DNM2: variants seen among roughly 807,000 people sequenced by gnomAD.
DNM2 encodes dynamin-2.
In DNM2, 15 loss-of-function variants were observed where a neutral mutation model predicts 99.0. That is an observed-to-expected ratio of 0.15 (90% CI 0.10 to 0.23). The LOEUF (loss-of-function observed/expected upper bound fraction) is 0.23, where lower values mean the gene tolerates loss of function less well. Ranked by LOEUF, DNM2 falls within the 10% of genes least tolerant of loss-of-function variation. The pLI is 1.00. For synonymous variants in DNM2, 525 were observed against 481.2 expected (o/e 1.09, Z -1.19); for missense variants, 742 against 1,189.4 (o/e 0.62, Z 5.53).
rs1367992900 is a variant in DNM2 at position 10,797,428 on chromosome 19, A to G, written c.1245A>G (p.Lys415=). ...PDMAFEAIVK[K]QIVKLKEPSL... is the part of the protein sequence containing the mutation. The stretch of plus-strand genomic sequence containing the variant: ...TGGCCTTTGAAGCCATTGTGAAAAA[A>G]CAGATTGTAAAACTCAAAGAGCCGA... Residue 415 remains lysine, a synonymous_variant, in exon 10 of 21, where the codon AAA becomes AAG. Transcript: ENST00000389253. 1.2e-6 allele frequency: 2 copies of G among 1,613,780 alleles called. No individual in the cohort carries two copies. Among genetic ancestry groups the G allele is most frequent in the African/African-American group, 1.3e-5 (1 of 74,944 alleles).
chr19:10,739,574 G>A (rs1451074038), intron 1 of DNM2, among the ~76,000 whole-genome samples: 1 of 152,166 alleles, frequency 6.6e-6, no homozygotes, highest in Non-Finnish European at 1.5e-5. Flanking sequence ...ATCCATGCTG[G>A]TTGGGTGCAG....
In DNM2 at chr19:10,775,429, G is replaced by A. The variant is rs780753011; in HGVS notation, c.386-274G>A. ...TCTTTGGTATTGGCTGAATGGATGG[G>A]CTGAAATTTATTCAGTCATTTAGGT... is the stretch of plus-strand genomic sequence containing the variant. On this transcript the variant is annotated intron_variant, in intron 3 of 20. Coordinates refer to ENST00000389253, the MANE Select transcript of DNM2 (RefSeq NM_001005361.3). The surrounding 1 kb of genome is among the most constrained non-coding windows in gnomAD (Gnocchi z 4.3). 8.5e-5 allele frequency among the ~76,000 whole-genome samples: 13 copies of A among 152,204 alleles called. No homozygotes were observed. Among genetic ancestry groups the A allele is most frequent in the Non-Finnish European group, 1.2e-4 (8 of 68,040 alleles).
chr19:10,784,415 CA>C (rs547954235), intron 6 of DNM2, among the ~76,000 whole-genome samples: 6 of 152,254 alleles, frequency 3.9e-5, no homozygotes, highest in African/African-American at 1.4e-4. Context: ...GGGGTGCTTA[CA>C]AACGGGAGTA....
Position 10,772,079 on chromosome 19 carries a change from A to AT in DNM2, c.236-397dup, listed in dbSNP as rs1255609464. 2.9e-5 allele frequency among the ~76,000 whole-genome samples: 4 copies of AT among 137,194 alleles called. No individual in the cohort carries two copies. The highest frequency in any genetic ancestry group is 4.7e-5 in the Non-Finnish European group (3 of 63,238). The allele number at this position is 137,194 out of a possible 152,430, so 90.0% of individuals were successfully genotyped here. On this transcript the variant is annotated intron_variant, in intron 2 of 20. Transcript: ENST00000389253. This position sits in a 1 kb window ranked among gnomAD's most constrained non-coding sequence, Gnocchi z 4.9. ...TTTTTATTTTATTTTATTTTATTTT[A>AT]TTTATTTTTTTATTTTTTTGAGATG...
At chr19:10,793,973 G>T in intron 8 of DNM2, 118 bp downstream of exon 8, 1 of 1,546,724 alleles carries the variant, frequency 6.5e-7, no homozygotes, top group Non-Finnish European at 8.9e-7. Context: ...GCCTGAACTT[G>T]TGGTGGGCAG....
chr19:10,822,183 TTTTC>T (rs1282857082), intron 16 of DNM2, among the ~76,000 whole-genome samples: 2 of 151,708 alleles, frequency 1.3e-5, no homozygotes, highest in South Asian at 2.1e-4. Flanking sequence ...TTCTTTTTCT[TTTTC>T]TTTTTTTTTT....
chr19:10,811,221 T>G lies in DNM2; in HGVS notation c.1558-1043T>G, dbSNP rs1272522609. 5.4e-6 allele frequency: 1 copy of G among 184,392 alleles called. No individual in the cohort carries two copies. Among genetic ancestry groups the G allele is most frequent in the Non-Finnish European group, 1.2e-5 (1 of 86,776 alleles). 11.4% of individuals were successfully genotyped at this position (184,392 alleles called of 1,614,324 possible). ...CTCCGTCTTCATGGCCACCTGGGGCTTAGCACTCACATCCAGCCACCAAGG... is the reference window on the plus strand; with the variant it reads ...CTCCGTCTTCATGGCCACCTGGGGCGTAGCACTCACATCCAGCCACCAAGG... On this transcript the variant is annotated intron_variant, in intron 14 of 20. Coordinates refer to ENST00000389253, the MANE Select transcript of DNM2 (RefSeq NM_001005361.3). The surrounding 1 kb of genome is among the most constrained non-coding windows in gnomAD (Gnocchi z 5.4).
intron 11 of DNM2, among the ~76,000 whole-genome samples, chr19:10,801,900 G>A (rs1230878430): frequency 2.8e-5 from 4 of 141,784 alleles, no homozygotes; most frequent in Admixed American, 1.4e-4. Flanking sequence ...GCAAGACTCC[G>A]TCTCGAAGAA....
chr19:10,756,906 G>A (rs938540323), intron 1 of DNM2, among the ~76,000 whole-genome samples: 7 of 152,002 alleles, frequency 4.6e-5, no homozygotes, highest in East Asian at 1.9e-4. Context: ...GAACCACAGC[G>A]GTCACCCCCA....
At chr19:10,821,063 T>C (rs978277036) in intron 16 of DNM2, among the ~76,000 whole-genome samples, 8 of 152,160 alleles carry the variant, frequency 5.3e-5, no homozygotes, top group African/African-American at 2.4e-5. Flanking sequence ...AGGCAGGCAC[T>C]GACGTCCTCC....
Position 10,830,947 on chromosome 19 carries a change from C to A in DNM2, c.2544-31C>A. On this transcript the variant is annotated intron_variant, in intron 20 of 20. Coordinates refer to ENST00000389253, the MANE Select transcript of DNM2 (RefSeq NM_001005361.3). The surrounding 1 kb of genome is among the most constrained non-coding windows in gnomAD (Gnocchi z 4.8). The stretch of plus-strand genomic sequence containing the variant: ...TGCTCCCGGCCTCACTGCCGTCTCC[C>A]CCTCCCCACCTGTCTTTATTCTCTT... The A allele has an allele frequency of 6.3e-7, 1 of 1,599,778 alleles. No individual in the cohort carries two copies. Among genetic ancestry groups the A allele is most frequent in the East Asian group, 2.3e-5 (1 of 43,796 alleles).
At chr19:10,777,025 T>G in intron 4 of DNM2, 93 bp from the exon 5 acceptor site, 2 of 1,263,190 alleles carry the variant, frequency 1.6e-6, no homozygotes, top group Non-Finnish European at 2.3e-6. Flanking sequence ...CCTGGAAGTT[T>G]CAGGGCCAAC....
In DNM2 at chr19:10,812,233, G is replaced by A. The variant is rs991238574; in HGVS notation, c.1558-31G>A. The A allele has an allele frequency of 1.3e-6, 2 of 1,555,798 alleles. No individual in the cohort carries two copies. The highest frequency in any genetic ancestry group is 1.7e-4 in the Middle Eastern group (1 of 5,990). On this transcript the variant is annotated intron_variant, in intron 14 of 20. Coordinates refer to ENST00000389253, the MANE Select transcript of DNM2 (RefSeq NM_001005361.3). The surrounding 1 kb of genome is among the most constrained non-coding windows in gnomAD (Gnocchi z 4.0). ...GGGGATGGCTGGGGCACGGAGCGAGGTTCCCTGCTAAGCTGCGCGCTTTCC... is the reference window on the plus strand; with the variant it reads ...GGGGATGGCTGGGGCACGGAGCGAGATTCCCTGCTAAGCTGCGCGCTTTCC...
intron 1 of DNM2, among the ~76,000 whole-genome samples, chr19:10,742,375 G>A (rs1382988633): frequency 1.3e-5 from 2 of 152,112 alleles, no homozygotes; most frequent in Non-Finnish European, 2.9e-5. Context: ...TCCCACCCCC[G>A]TCACCCTCAT....
intron 7 of DNM2, among the ~76,000 whole-genome samples, chr19:10,791,311 C>G (rs1458256354): frequency 6.6e-6 from 1 of 152,098 alleles, no homozygotes; most frequent in African/African-American, 2.4e-5. Flanking sequence ...CTGTCTCAAA[C>G]TCCTTAGCTC....
At chr19:10,741,903 T>G (rs539492643) in intron 1 of DNM2, among the ~76,000 whole-genome samples, 3 of 151,566 alleles carry the variant, frequency 2.0e-5, no homozygotes, top group African/African-American at 2.4e-5. Flanking sequence ...CCTCTTTACC[T>G]TCCTCTTTAC....
chr19:10,760,827 A>ATTTTTTTTTT lies in DNM2; in HGVS notation c.235+1024_235+1033dup, dbSNP rs57290103. The stretch of plus-strand genomic sequence containing the variant: ...GTGCACACACCACCACACCCAGCTG[A>ATTTTTTTTTT]TTTTTTTTTTTTTTTTTGGTAGAGA... On this transcript the variant is annotated intron_variant, in intron 2 of 20. Transcript: ENST00000389253. Among the ~76,000 whole-genome samples the ATTTTTTTTTT allele has an allele frequency of 4.8e-5, 2 of 41,256 alleles. 1 individual carries two copies. Among genetic ancestry groups the ATTTTTTTTTT allele is most frequent in the Non-Finnish European group, 8.3e-5 (2 of 24,156 alleles). 27.1% of individuals were successfully genotyped at this position (41,256 alleles called of 152,430 possible). A position where few individuals can be genotyped will look rare whatever the true frequency, so the allele number is the denominator to read the frequency against.
At chr19:10,754,419 A>T (rs1249630766) in intron 1 of DNM2, among the ~76,000 whole-genome samples, 1 of 151,550 alleles carries the variant, frequency 6.6e-6, no homozygotes, top group Non-Finnish European at 1.5e-5. Flanking sequence ...CGCCTGGCTA[A>T]TTTTTTGTAT....
Position 10,808,587 on chromosome 19 carries a change from A to G in DNM2, c.1557+7A>G. The G allele has an allele frequency of 6.2e-7, 1 of 1,612,220 alleles. No homozygotes were observed. Among genetic ancestry groups the G allele is most frequent in the Non-Finnish European group, 8.5e-7 (1 of 1,179,198 alleles). On this transcript the variant is annotated splice_region_variant and intron_variant, in intron 14 of 20. Transcript: ENST00000389253. ...TTCAAAGGGGGAGATCCTGGTAAGT[A>G]CATGCTTAGTGTGGTAGCAAACATT...
Sources: allele counts gnomAD v4.1 joint callset (sites outside exome capture counted in the v4.1 genomes callset), GRCh38; gene constraint gnomAD v4.1.1; non-coding constraint Gnocchi (gnomAD v3.1); transcripts MANE v1.5; gene names NCBI Gene and HGNC (gene_info 2026-07-23, HGNC 2026-07-21).